The following MYLK variants were observed in gnomAD, a reference collection of about 807,000 sequenced individuals.
The protein encoded by MYLK is myosin light chain kinase.
In MYLK, 106 loss-of-function variants were observed where a neutral mutation model predicts 203.4. The observed-to-expected ratio is 0.52, with a 90% CI of 0.45 to 0.61. The LOEUF (loss-of-function observed/expected upper bound fraction) is 0.61, where lower values mean the gene tolerates loss of function less well. Among genes scored for constraint, MYLK ranks in the 20% least tolerant of loss-of-function variants. The probability of loss-of-function intolerance (pLI) is 0.00; values close to 1 mark genes in which losing one functional copy is unlikely to be tolerated. For missense variants in MYLK, 2,072 were observed against 2,442.3 expected (o/e 0.85, Z 3.20); for synonymous variants, 867 against 959.5 (o/e 0.90, Z 1.78).
At chr3:123,850,754 T>C (rs982411071) in intron 2 of MYLK, among the ~76,000 whole-genome samples, 10 of 152,248 alleles carry the variant, frequency 6.6e-5, no homozygotes. Context: ...TTTAATTAGA[T>C]CCCATTTGTC....
intron 23 of MYLK, 134 bp downstream of exon 23, chr3:123,663,971 T>C: frequency 7.7e-7 from 1 of 1,303,338 alleles, no homozygotes; most frequent in Non-Finnish European, 1.1e-6. Flanking sequence ...CTTCTTTCTG[T>C]GGTGCCTTAT....
chr3:123,866,072 G>T (rs1237069283), intron 2 of MYLK, among the ~76,000 whole-genome samples: 2 of 152,154 alleles, frequency 1.3e-5, no homozygotes, highest in African/African-American at 4.8e-5. Flanking sequence ...AATGATCCAA[G>T]CCCCTAGCTG....
At chr3:123,753,689 G>A (rs772553094) in intron 4 of MYLK, among the ~76,000 whole-genome samples, 3 of 152,148 alleles carry the variant, frequency 2.0e-5, no homozygotes, top group East Asian at 1.9e-4. Context: ...AACTCAGTAG[G>A]CTCTTCAGAA....
chr3:123,844,512 T>C (rs2066664861), intron 2 of MYLK, among the ~76,000 whole-genome samples: 1 of 152,192 alleles, frequency 6.6e-6, no homozygotes, highest in South Asian at 2.1e-4. Flanking sequence ...TCCTAAAATA[T>C]AGGCCTACCT....
chr3:123,734,249 G>A, intron 9 of MYLK, 27 bp from the exon 10 acceptor site: 1 of 1,420,522 alleles, frequency 7.0e-7, no homozygotes, highest in Non-Finnish European at 9.3e-7. Flanking sequence ...GTGGGGGTAG[G>A]GTGGGTGAGG....
At chr3:123,835,323 C>A (rs1385792714) in intron 2 of MYLK, among the ~76,000 whole-genome samples, 3 of 152,138 alleles carry the variant, frequency 2.0e-5, no homozygotes, top group Non-Finnish European at 2.9e-5. Context: ...GGCAATCAGT[C>A]ACAAGAGAGA....
chr3:123,806,969 T>C (rs1280125620), intron 3 of MYLK, among the ~76,000 whole-genome samples: 3 of 150,796 alleles, frequency 2.0e-5, no homozygotes, highest in African/African-American at 7.3e-5. Flanking sequence ...CTGGCCAACA[T>C]ACTGAGATAT....
intron 17 of MYLK, 45 bp downstream of exon 17, chr3:123,701,393 G>T: frequency 1.9e-6 from 3 of 1,591,688 alleles, no homozygotes; most frequent in Non-Finnish European, 1.7e-6. Flanking sequence ...GAGGAAGGTG[G>T]GGATGGGGGC....
At chr3:123,795,242 T>C (rs2064943436) in intron 3 of MYLK, among the ~76,000 whole-genome samples, 1 of 152,196 alleles carries the variant, frequency 6.6e-6, no homozygotes, top group Admixed American at 6.5e-5. Context: ...GAAAAGTTGC[T>C]TTTAAGAAAT....
intron 4 of MYLK, among the ~76,000 whole-genome samples, chr3:123,758,374 C>T (rs2063427016): frequency 6.6e-6 from 1 of 152,216 alleles, no homozygotes; most frequent in Non-Finnish European, 1.5e-5. Flanking sequence ...GGATGCTCCC[C>T]ACCCCCATGT....
chr3:123,840,884 T>C (rs1211986547), intron 2 of MYLK, among the ~76,000 whole-genome samples: 1 of 148,102 alleles, frequency 6.8e-6, no homozygotes, highest in East Asian at 2.0e-4. Context: ...TGCTTTAGTC[T>C]GAATGCAAAA....
At chr3:123,638,845 T>C in intron 28 of MYLK, 1 of 985,436 alleles carries the variant, frequency 1.0e-6, no homozygotes, top group Non-Finnish European at 1.2e-6. Flanking sequence ...CTCTTGGCCA[T>C]AAAGGACCAG....
Position 123,629,036 on chromosome 3 carries a change from C to T in MYLK, c.5114+438G>A, listed in dbSNP as rs886903646. ...AATAATAATAATCTGGGGATATGAT[C>T]GGGACCCACAGAGAAGTTCTAAGAT... On this transcript the variant is annotated intron_variant, in intron 30 of 33. Transcript: ENST00000360304. The surrounding 1 kb of genome is among the most constrained non-coding windows in gnomAD (Gnocchi z 4.4). 6.6e-6 allele frequency among the ~76,000 whole-genome samples: 1 copy of T among 152,234 alleles called. No homozygotes were observed. The highest frequency in any genetic ancestry group is 1.5e-5 in the Non-Finnish European group (1 of 68,016).
intron 24 of MYLK, among the ~76,000 whole-genome samples, chr3:123,650,294 C>T (rs2059165105): frequency 6.6e-6 from 1 of 152,182 alleles, no homozygotes; most frequent in African/African-American, 2.4e-5. Flanking sequence ...GTTCCTCAGC[C>T]ATCGTCTGGG....
chr3:123,667,186 A>G lies in MYLK; in HGVS notation c.3654T>C (p.Ser1218=), dbSNP rs2059765112. 3 of 1,613,972 alleles carry G rather than the reference A, an allele frequency of 1.9e-6. No homozygotes were observed. Among genetic ancestry groups the G allele is most frequent in the Admixed American group, 1.7e-5 (1 of 60,002 alleles). The change falls in exon 21 of 34, where the codon AGT becomes AGC. Residue 1218 remains serine (S), a splice_region_variant and synonymous_variant. Transcript: ENST00000360304. ...SSLPPVLGTE[S]DATVKKKPAP... The stretch of plus-strand genomic sequence containing the variant: ...CAGGTTTCTTTTTCACAGTCGCATC[A>G]CCTGAAACAAAGAAGTTCACAAGTT...
At chr3:123,690,400 T>G (rs1396463848) in intron 19 of MYLK, among the ~76,000 whole-genome samples, 24 of 152,188 alleles carry the variant, frequency 1.6e-4, no homozygotes, top group Non-Finnish European at 1.5e-5. Flanking sequence ...ATGCAACATT[T>G]TGCCTGTAAT....
chr3:123,827,829 T>C (rs1367090605), intron 3 of MYLK, among the ~76,000 whole-genome samples: 5 of 139,884 alleles, frequency 3.6e-5, no homozygotes, highest in Non-Finnish European at 7.7e-5. Flanking sequence ...CAAAAATGAG[T>C]AGCATTTCTA....
intron 3 of MYLK, among the ~76,000 whole-genome samples, chr3:123,807,310 T>A (rs994649259): frequency 6.6e-6 from 1 of 151,856 alleles, no homozygotes; most frequent in Non-Finnish European, 1.5e-5. Flanking sequence ...GCGCCTGTAA[T>A]CCCAGCTACT....
chr3:123,851,454 C>T (rs1364585258), intron 2 of MYLK, among the ~76,000 whole-genome samples: 2 of 152,100 alleles, frequency 1.3e-5, no homozygotes, highest in Non-Finnish European at 2.9e-5. Context: ...TGAAGAGGTC[C>T]TTCACATCCC....
Sources: gnomAD v4.1 joint callset for allele counts (sites outside exome capture counted in the v4.1 genomes callset) on GRCh38, gnomAD v4.1.1 for gene constraint, Gnocchi (gnomAD v3.1) non-coding constraint, MANE v1.5 for transcripts, NCBI Gene and HGNC (gene_info 2026-07-23, HGNC 2026-07-21) for gene names.